The following CALN1 variants were observed in gnomAD, a reference collection of about 807,000 sequenced individuals.
CALN1 encodes the protein calcium-binding protein 8.
In CALN1, 17 loss-of-function variants were observed where a neutral mutation model predicts 30.6. The observed-to-expected ratio is 0.56, with a 90% CI of 0.38 to 0.83. The LOEUF is 0.83. Ranked by LOEUF, CALN1 falls within the 40% of genes least tolerant of loss-of-function variation. The probability of loss-of-function intolerance (pLI) is 0.00; values close to 1 mark genes in which losing one functional copy is unlikely to be tolerated. For missense variants in CALN1, 291 were observed against 354.9 expected, an observed-to-expected ratio of 0.82 and a Z score of 1.45; for synonymous variants, 156 against 131.4, an observed-to-expected ratio of 1.19 and a Z score of -1.28.
At chr7:72,064,106 T>A (rs1803854593) in intron 4 of CALN1, among the ~76,000 whole-genome samples, 3 of 148,456 alleles carry the variant, frequency 2.0e-5, no homozygotes, top group Admixed American at 1.3e-4. Flanking sequence ...AAACCCCGTC[T>A]CTACGTCTCT....
the CALN1 span, among the ~76,000 whole-genome samples, chr7:72,503,679 TTC>T: frequency 6.7e-6 from 1 of 149,542 alleles, no homozygotes; most frequent in South Asian, 2.1e-4. Flanking sequence ...ACCAGTAACC[TTC>T]TCTGAGTCTG....
chr7:71,797,116 CTTCAATCTCCACA>C (rs1305159722), intron 6 of CALN1, among the ~76,000 whole-genome samples: 1 of 152,226 alleles, frequency 6.6e-6, no homozygotes, highest in Non-Finnish European at 1.5e-5. Flanking sequence ...ATCCCTCTGC[CTTCAATCTCCACA>C]TTTGGGAGCT....
chr7:72,254,037 A>T lies in CALN1; in HGVS notation c.244+24649T>A, dbSNP rs149689061. On this transcript the variant is annotated intron_variant, in intron 3 of 6. Transcript: ENST00000395275. ...ATTACAGGCATGAGCAACTGTGCCC[A>T]GCCTCATATCCCCATTTTACCAGAA... Among the ~76,000 whole-genome samples, 201 of 152,196 alleles carry T rather than the reference A, an allele frequency of 1.3e-3. 1 individual carries two copies. The highest frequency in any genetic ancestry group is 4.6e-3 in the African/African-American group (191 of 41,530).
Position 72,278,748 on chromosome 7 carries a change from C to T in CALN1, c.182G>A (p.Arg61Gln). 3 of 1,614,074 alleles carry T rather than the reference C, an allele frequency of 1.9e-6. No individual in the cohort carries two copies. Among genetic ancestry groups the T allele is most frequent in the Non-Finnish European group, 2.5e-6 (3 of 1,179,976 alleles). The part of the protein sequence containing the change: ...GLLYKGNYLN[R>Q]SLSAGSDSEQ... ...GCTGTCACTGCCAGCAGAGAGCGATCGGTTGAGGTAATTCCCCTTGTACAA... is the reference window on the plus strand; with the variant it reads ...GCTGTCACTGCCAGCAGAGAGCGATTGGTTGAGGTAATTCCCCTTGTACAA... The change falls in exon 3 of 7, where the codon CGA becomes CAA. Residue 61 changes from arginine (R) to glutamine (Q), a missense_variant. By Grantham distance (43) the Arg-to-Gln change is conservative (BLOSUM62 1). Around this residue, in one of 2 missense-constraint regions of CALN1, gnomAD observed 122 missense variants for 103.2 expected, o/e 1.18. Coordinates refer to ENST00000395275, the MANE Select transcript of CALN1 (RefSeq NM_031468.4).
At chr7:72,475,941 C>CTCTTT in the CALN1 span, among the ~76,000 whole-genome samples, 540 of 75,948 alleles carry the variant, frequency 7.1e-3, 30 homozygotes, top group African/African-American at 0.031. Flanking sequence ...CTCTCTCTCT[C>CTCTTT]TTTTTTTTTT....
At chr7:72,022,523 G>A (rs1301281309) in intron 5 of CALN1, among the ~76,000 whole-genome samples, 1 of 152,200 alleles carries the variant, frequency 6.6e-6, no homozygotes, top group African/African-American at 2.4e-5. Flanking sequence ...CTCAAGAGTA[G>A]CTGGGACTAC....
intron 5 of CALN1, among the ~76,000 whole-genome samples, chr7:71,936,618 C>T (rs1299965701): frequency 6.6e-6 from 1 of 152,132 alleles, no homozygotes; most frequent in East Asian, 1.9e-4. Context: ...ATTTGGGTCT[C>T]ATCTGCTGAA....
chr7:72,233,492 G>A (rs926308993), intron 3 of CALN1, among the ~76,000 whole-genome samples: 3 of 152,078 alleles, frequency 2.0e-5, no homozygotes, highest in African/African-American at 7.2e-5. Context: ...AAGGCAGGAG[G>A]ATCACTTGAG....
intron 5 of CALN1, among the ~76,000 whole-genome samples, chr7:72,004,773 A>T (rs1023889645): frequency 2.0e-5 from 3 of 152,228 alleles, no homozygotes; most frequent in African/African-American, 7.2e-5. Context: ...TACAAAATAT[A>T]TAAAGACTTC....
intron 3 of CALN1, among the ~76,000 whole-genome samples, chr7:72,269,066 G>A (rs485865): frequency 0.2 from 30,696 of 151,978 alleles, 4,480 homozygotes; most frequent in East Asian, 0.43. Flanking sequence ...CACAATTCAC[G>A]TAGTAGCTGC....
intron 5 of CALN1, among the ~76,000 whole-genome samples, chr7:71,906,504 G>C (rs1409011959): frequency 6.6e-6 from 1 of 152,152 alleles, no homozygotes; most frequent in Non-Finnish European, 1.5e-5. Context: ...ACCTTGGTTA[G>C]GAGCCAGGCA....
In CALN1 at chr7:72,328,963, C is replaced by T; in HGVS notation, c.120-50153G>A. Among the ~76,000 whole-genome samples the T allele has an allele frequency of 1.3e-5, 2 of 152,386 alleles. 1 individual carries two copies. Among genetic ancestry groups the T allele is most frequent in the Non-Finnish European group, 2.9e-5 (2 of 68,036 alleles). ...CCAACCATCTCGGCCTCCCAAAGTG[C>T]TGGGATTACAGGCGTAAGCCAACGT... On this transcript the variant is annotated intron_variant, in intron 2 of 6. Coordinates refer to ENST00000395275, the MANE Select transcript of CALN1 (RefSeq NM_031468.4).
chr7:71,796,657 TTA>T lies in CALN1; in HGVS notation c.659-8757_659-8756del, dbSNP rs577424115. Reference sequence around the variant, plus strand: ...ACAGGCGTGAGCCACCGCGTCCAGCTTATGTTTCGTTTTTTCAAGGAACTGAC... The same window carrying T: ...ACAGGCGTGAGCCACCGCGTCCAGCTTGTTTCGTTTTTTCAAGGAACTGAC... On this transcript the variant is annotated intron_variant, in intron 6 of 6. Coordinates refer to ENST00000395275, the MANE Select transcript of CALN1 (RefSeq NM_031468.4). Among the ~76,000 whole-genome samples the T allele has an allele frequency of 2.3e-3, 348 of 152,158 alleles. 2 individuals carry two copies. Among genetic ancestry groups the T allele is most frequent in the African/African-American group, 8.2e-3 (339 of 41,522 alleles).
At chr7:72,323,318 G>A (rs1025159164) in intron 2 of CALN1, among the ~76,000 whole-genome samples, 7 of 152,104 alleles carry the variant, frequency 4.6e-5, no homozygotes, top group African/African-American at 1.4e-4. Context: ...GAAGCCCTTC[G>A]TGTGAAGCTA....
intron 5 of CALN1, among the ~76,000 whole-genome samples, chr7:71,954,199 C>G (rs1332988293): frequency 1.3e-5 from 2 of 152,046 alleles, no homozygotes; most frequent in Non-Finnish European, 2.9e-5. Flanking sequence ...GTGGCTCATG[C>G]CTGTAATCAT....
the CALN1 span, among the ~76,000 whole-genome samples, chr7:72,473,468 G>GA: frequency 2.6e-5 from 4 of 152,004 alleles, no homozygotes; most frequent in Non-Finnish European, 4.4e-5. Context: ...CCTCTTCAAC[G>GA]AGATTTTTGG....
chr7:72,238,446 A>C (rs1794618662), intron 3 of CALN1, among the ~76,000 whole-genome samples: 1 of 152,096 alleles, frequency 6.6e-6, no homozygotes, highest in Admixed American at 6.5e-5. Context: ...TTTTTTATTT[A>C]ATGAATTTAT....
chr7:72,089,750 G>A (rs1242385741), intron 4 of CALN1, among the ~76,000 whole-genome samples: 1 of 152,038 alleles, frequency 6.6e-6, no homozygotes, highest in Admixed American at 6.6e-5. Context: ...TCCACTATGA[G>A]GACAGAGCAT....
intron 2 of CALN1, among the ~76,000 whole-genome samples, chr7:72,302,906 A>AAAC (rs1799383716): frequency 6.7e-6 from 1 of 150,012 alleles, no homozygotes; most frequent in Non-Finnish European, 1.5e-5. Flanking sequence ...AAAAAAAAAA[A>AAAC]AAAAAAAAAA....
Sources: gnomAD v4.1 joint callset for allele counts (sites outside exome capture counted in the v4.1 genomes callset) on GRCh38, gnomAD v4.1.1 for gene constraint, gnomAD v4.1.1 regional missense constraint, MANE v1.5 for transcripts, NCBI Gene and HGNC (gene_info 2026-07-23, HGNC 2026-07-21) for gene names.